The following WFDC10B variants were observed in gnomAD, a reference collection of about 807,000 sequenced individuals.
WFDC10B encodes protein WFDC10B.
Under a neutral mutation model 2.7 loss-of-function variants are expected in WFDC10B, and 1 was observed. The observed-to-expected ratio is 0.38, with a 90% CI of 0.13 to 1.79. The LOEUF (loss-of-function observed/expected upper bound fraction) is 1.79, where lower values mean the gene tolerates loss of function less well. WFDC10B is among the 40% of genes most tolerant of loss of function. The pLI is 0.33. For missense variants in WFDC10B, 71 were observed against 87.8 expected (o/e 0.81, Z 0.76); for synonymous variants, 26 against 32.2 (o/e 0.81, Z 0.65).
intron 2 of WFDC10B, among the ~76,000 whole-genome samples, chr20:45,691,009 G>A (rs139212781): frequency 1.3e-5 from 2 of 152,260 alleles, no homozygotes; most frequent in African/African-American, 4.8e-5. Flanking sequence ...TGCTTTGAAT[G>A]TGTCCCAGAG....
rs1275568900 is a variant in WFDC10B, at chr20:45,695,718, A to T, written c.-65+8779T>A. ...AAAATAATTTGAGCCAGGCATGTTG[A>T]CTCATGCCTGTAATCCCAGCACTTT... On this transcript the variant is annotated intron_variant, in intron 2 of 3. Coordinates refer to ENST00000330523, the MANE Select transcript of WFDC10B (RefSeq NM_172006.2). Among the ~76,000 whole-genome samples, 3 of 152,058 alleles carry T rather than the reference A, an allele frequency of 2.0e-5. No individual in the cohort carries two copies. In the East Asian group the frequency reaches 5.8e-4, roughly 29 times the overall value.
intron 2 of WFDC10B, among the ~76,000 whole-genome samples, chr20:45,696,877 A>G (rs1031297711): frequency 2.6e-5 from 4 of 152,158 alleles, no homozygotes; most frequent in African/African-American, 4.8e-5. Context: ...AAGTTTTCCA[A>G]TCTTAACTGA....
intron 2 of WFDC10B, among the ~76,000 whole-genome samples, chr20:45,697,897 C>A (rs1244734169): frequency 1.3e-5 from 2 of 151,820 alleles, no homozygotes; most frequent in East Asian, 3.9e-4. Context: ...GAGTGTGCCA[C>A]CACTCCTGGC....
intron 2 of WFDC10B, chr20:45,701,952 G>T (rs714595): frequency 3.6e-5 from 22 of 611,488 alleles, no homozygotes; most frequent in Non-Finnish European, 5.9e-5. Context: ...GAGTGGGTGT[G>T]ATTGGGAGGT....
chr20:45,695,658 C>G (rs1049673558), intron 2 of WFDC10B, among the ~76,000 whole-genome samples: 1 of 152,096 alleles, frequency 6.6e-6, no homozygotes, highest in Non-Finnish European at 1.5e-5. Context: ...CTAAAACAAC[C>G]AATGAGTCAA....
intron 2 of WFDC10B, among the ~76,000 whole-genome samples, chr20:45,694,225 G>A (rs1431670826): frequency 3.9e-5 from 6 of 152,152 alleles, no homozygotes; most frequent in Non-Finnish European, 8.8e-5. Flanking sequence ...GTCCTGAATG[G>A]TATTGCCCAG....
chr20:45,692,763 G>A (rs1453576800), intron 2 of WFDC10B, among the ~76,000 whole-genome samples: 1 of 152,042 alleles, frequency 6.6e-6, no homozygotes, highest in Non-Finnish European at 1.5e-5. Context: ...TAACTTCTTT[G>A]CCTTTGGTTT....
At chr20:45,691,817 G>C (rs1036435540) in intron 2 of WFDC10B, among the ~76,000 whole-genome samples, 1 of 152,084 alleles carries the variant, frequency 6.6e-6, no homozygotes, top group Non-Finnish European at 1.5e-5. Flanking sequence ...TCTTTTAATT[G>C]GAGCATTTAG....
chr20:45,684,903 T>A lies in WFDC10B; in HGVS notation c.149A>T (p.Tyr50Phe), dbSNP rs192270179. ...SIDLCIHHCSYFQKCETNKIC... is the reference protein window; with the variant it reads ...SIDLCIHHCSFFQKCETNKIC... ...CTTATTTGTTTCACACTTTTGGAAA[T>A]ATGAACAGTGGTGGATGCATAGATC... The change falls in exon 4 of 4, where the codon TAT (tyrosine) becomes TTT (phenylalanine). Residue 50 changes from tyrosine to phenylalanine, a missense_variant. Tyr to Phe is a conservative substitution (Grantham distance 22). Transcript: ENST00000330523. The A allele has an allele frequency of 6.2e-7, 1 of 1,614,022 alleles. No individual in the cohort carries two copies. Among genetic ancestry groups the A allele is most frequent in the Non-Finnish European group, 8.5e-7 (1 of 1,179,958 alleles).
intron 2 of WFDC10B, 29 bp downstream of exon 2, chr20:45,704,468 G>A (rs866757607): frequency 6.2e-7 from 1 of 1,613,956 alleles, no homozygotes; most frequent in African/African-American, 1.3e-5. Context: ...CCTCCACCCT[G>A]CATATCAGCA....
intron 2 of WFDC10B, among the ~76,000 whole-genome samples, chr20:45,703,536 T>C (rs1984259957): frequency 6.6e-6 from 1 of 152,168 alleles, no homozygotes; most frequent in East Asian, 1.9e-4. Context: ...TTTTGACTTT[T>C]GCCCCCAAAG....
chr20:45,685,765 C>A, intron 3 of WFDC10B, 137 bp downstream of exon 3: 1 of 1,423,326 alleles, frequency 7.0e-7, no homozygotes, highest in East Asian at 2.5e-5. Context: ...TTGGGACAGC[C>A]CAGAGTCTGC....
At chr20:45,694,207 A>T (rs1447948747) in intron 2 of WFDC10B, among the ~76,000 whole-genome samples, 2 of 152,188 alleles carry the variant, frequency 1.3e-5, no homozygotes, top group Non-Finnish European at 2.9e-5. Flanking sequence ...ATCTTTGCCA[A>T]TGCCTATGTC....
chr20:45,697,252 G>A (rs1030827860), intron 2 of WFDC10B, among the ~76,000 whole-genome samples: 32 of 152,080 alleles, frequency 2.1e-4, no homozygotes, highest in Non-Finnish European at 8.8e-5. Flanking sequence ...TTTACAACAG[G>A]CTATGAAAGG....
rs369273136 is a variant in WFDC10B at position 45,704,372 on chromosome 20, T to TG, written c.-65+124dup. ...GGTGGCAGGTTTCCTGGCAGTTCCCTGGGCTTTCTGAGTTCTGAACATTAC... is the reference window on the plus strand; with the variant it reads ...GGTGGCAGGTTTCCTGGCAGTTCCCTGGGGCTTTCTGAGTTCTGAACATTAC... On this transcript the variant is annotated intron_variant, in intron 2 of 3. Coordinates refer to ENST00000330523, the MANE Select transcript of WFDC10B (RefSeq NM_172006.2). The TG allele has an allele frequency of 3.0e-4, 454 of 1,537,850 alleles. 3 individuals carry two copies. The African/African-American group carries it at 6.0e-3, about 20-fold the overall frequency.
At chr20:45,704,694 T>C in intron 1 of WFDC10B, 133 bp from the exon 2 acceptor site, 1 of 1,512,458 alleles carries the variant, frequency 6.6e-7, no homozygotes, top group Middle Eastern at 1.8e-4. Context: ...CTCCTTTTTT[T>C]TTTTTTTCCT....
At chr20:45,697,793 G>A (rs1984024153) in intron 2 of WFDC10B, among the ~76,000 whole-genome samples, 1 of 148,750 alleles carries the variant, frequency 6.7e-6, no homozygotes, top group African/African-American at 2.5e-5. Context: ...ACCCAGGCTG[G>A]AGTGCAGTGG....
intron 2 of WFDC10B, among the ~76,000 whole-genome samples, chr20:45,691,761 A>C (rs1421892167): frequency 6.6e-6 from 1 of 152,166 alleles, no homozygotes; most frequent in African/African-American, 2.4e-5. Flanking sequence ...TCCTGAATAC[A>C]ACACACTGAT....
chr20:45,696,780 T>C (rs1029291876), intron 2 of WFDC10B, among the ~76,000 whole-genome samples: 5 of 152,130 alleles, frequency 3.3e-5, no homozygotes, highest in African/African-American at 1.2e-4. Flanking sequence ...CACATGACTC[T>C]CTTCAACAAA....
Sources: gnomAD v4.1 joint callset for allele counts (sites outside exome capture counted in the v4.1 genomes callset) on GRCh38, gnomAD v4.1.1 for gene constraint, MANE v1.5 for transcripts, NCBI Gene and HGNC (gene_info 2026-07-23, HGNC 2026-07-21) for gene names.